The following CPLANE1 variants were observed in gnomAD, a reference collection of about 807,000 sequenced individuals.
The protein encoded by CPLANE1 is ciliogenesis and planar polarity effector 1.
A neutral mutation model predicts 362.5 loss-of-function variants in CPLANE1; 263 were observed. The ratio of observed to expected loss-of-function variants is 0.73; its 90% CI spans 0.66 to 0.80. The LOEUF is 0.80. CPLANE1 is among the 30% of genes least tolerant of loss of function. The pLI is 0.00. For synonymous variants in CPLANE1, 1,212 were observed against 1,302.6 expected, an observed-to-expected ratio of 0.93 and a Z score of 1.50; for missense variants, 3,461 against 3,793.4, an observed-to-expected ratio of 0.91 and a Z score of 2.30.
intron 50 of CPLANE1, among the ~76,000 whole-genome samples, chr5:37,115,614 T>G (rs1173597025): frequency 4.0e-5 from 6 of 150,026 alleles, no homozygotes; most frequent in African/African-American, 1.5e-4. Flanking sequence ...TTTTTTTTTT[T>G]TGAGATGGAG....
intron 7 of CPLANE1, among the ~76,000 whole-genome samples, chr5:37,239,208 T>A (rs1050031783): frequency 6.6e-6 from 1 of 152,158 alleles, no homozygotes; most frequent in Non-Finnish European, 1.5e-5. Context: ...GAAAGCCAAG[T>A]TTTGAAAGTT....
the CPLANE1 span, among the ~76,000 whole-genome samples, chr5:37,099,828 T>C: frequency 1.4e-4 from 21 of 152,308 alleles, no homozygotes; most frequent in South Asian, 4.3e-3. Flanking sequence ...ATCTTAATTA[T>C]CTCATTGTGG....
intron 50 of CPLANE1, 127 bp downstream of exon 50, chr5:37,120,089 C>T (rs1053812436): frequency 1.5e-5 from 14 of 915,996 alleles, no homozygotes; most frequent in Middle Eastern, 2.2e-4. Flanking sequence ...ATCAATGCCT[C>T]GCCTTCTGTT....
At chr5:37,231,936 C>T (rs1456176019) in intron 8 of CPLANE1, among the ~76,000 whole-genome samples, 3 of 152,010 alleles carry the variant, frequency 2.0e-5, no homozygotes, top group South Asian at 2.1e-4. Flanking sequence ...GAGACTAATA[C>T]TTTCAAAGTA....
rs185961851 is a variant in CPLANE1 at position 37,240,446 on chromosome 5, G to C, written c.678-577C>G. ...GGCATCAGCATCTCCTCGGATTCTT[G>C]TGAGGGCTTCAGGAAGCTTTTAACC... On this transcript the variant is annotated intron_variant, in intron 6 of 52. Transcript: ENST00000651892. 2.8e-4 allele frequency among the ~76,000 whole-genome samples: 43 copies of C among 152,324 alleles called. No homozygotes were observed. In the East Asian group the frequency reaches 7.9e-3, roughly 28 times the overall value.
At chr5:37,131,791 A>G (rs940952900) in intron 46 of CPLANE1, among the ~76,000 whole-genome samples, 2 of 152,044 alleles carry the variant, frequency 1.3e-5, no homozygotes. Flanking sequence ...CAGCCTCCCA[A>G]AGTGCTGGGA....
intron 19 of CPLANE1, 142 bp from the exon 20 acceptor site, chr5:37,199,008 G>A: frequency 1.5e-6 from 1 of 676,324 alleles, no homozygotes; most frequent in Non-Finnish European, 2.4e-6. Flanking sequence ...GAAGCAGGAG[G>A]ACTGCTTGAG....
intron 36 of CPLANE1, among the ~76,000 whole-genome samples, chr5:37,164,606 A>G (rs1195596070): frequency 6.6e-6 from 1 of 152,232 alleles, no homozygotes; most frequent in African/African-American, 2.4e-5. Context: ...AGCTTTGATA[A>G]TACTCAAATA....
At chr5:37,139,760 G>T (rs902962508) in intron 44 of CPLANE1, 6 of 655,628 alleles carry the variant, frequency 9.2e-6, no homozygotes, top group Non-Finnish European at 1.1e-5. Flanking sequence ...ATGTTGCCCA[G>T]GTTGGTCTCG....
chr5:37,141,359 G>T, intron 44 of CPLANE1: 1 of 985,368 alleles, frequency 1.0e-6, no homozygotes, highest in African/African-American at 1.7e-5. Context: ...GAGAAGAGAA[G>T]AGAAAAGCTA....
At chr5:37,104,258 C>T (rs971741508), downstream of CPLANE1, among the ~76,000 whole-genome samples, 8 of 152,278 alleles carry the variant, frequency 5.3e-5, no homozygotes, top group African/African-American at 1.9e-4. Context: ...TGGCTATCAG[C>T]TCCTGTAGTT....
intron 32 of CPLANE1, among the ~76,000 whole-genome samples, chr5:37,172,347 T>C (rs529407552): frequency 6.6e-4 from 101 of 152,282 alleles, no homozygotes; most frequent in African/African-American, 2.4e-3. Flanking sequence ...ACATATAGTA[T>C]GGGCAAAAAA....
At position 37,198,854 on chromosome 5, in the gene CPLANE1, C is replaced by T; in HGVS notation, c.3520G>A (p.Asp1174Asn). 1 of 1,613,628 alleles carries T rather than the reference C, an allele frequency of 6.2e-7. No individual in the cohort carries two copies. Among genetic ancestry groups the T allele is most frequent in the Non-Finnish European group, 8.5e-7 (1 of 1,179,774 alleles). Residue 1174 changes from aspartate to asparagine, a missense_variant, in exon 20 of 53, where the codon GAT (aspartate) becomes AAT (asparagine). Asp to Asn is a conservative substitution (Grantham distance 23). Coordinates refer to ENST00000651892, the MANE Select transcript of CPLANE1 (RefSeq NM_001384732.1). ...PAILSEEDGD[D>N]LLLKAEKNNR... ...TTTTTTTCAGCTTTTAAAAGAAGAT[C>T]ATCACCATCTTCCTGAGGAAAATAA...
At position 37,131,666 on chromosome 5, in the gene CPLANE1, G is replaced by A. The variant is rs111573049; in HGVS notation, c.8793-6257C>T. Among the ~76,000 whole-genome samples the A allele has an allele frequency of 7.3e-3, 1,110 of 152,094 alleles. 17 individuals are homozygous for A. Among genetic ancestry groups the A allele is most frequent in the African/African-American group, 0.025 (1,045 of 41,464 alleles). On this transcript the variant is annotated intron_variant, in intron 46 of 52. Coordinates refer to ENST00000651892, the MANE Select transcript of CPLANE1 (RefSeq NM_001384732.1). ...CTGCCTCAGCCTCCGAAGTAGATGG[G>A]ATTACAGGTGCCCACTACCACACCC...
chr5:37,118,719 T>A (rs1179580845), intron 50 of CPLANE1, among the ~76,000 whole-genome samples: 1 of 79,816 alleles, frequency 1.3e-5, no homozygotes, highest in South Asian at 2.8e-4. Context: ...GTTATTTTAC[T>A]TTTTTTTTTT....
Position 37,125,233 on chromosome 5 carries a change from G to T in CPLANE1, c.8958+11C>A. ...TCTGTAATTCCATTACCCTTGACAT[G>T]GCAGACTTACTGGATTGCTTCTGGG... On this transcript the variant is annotated intron_variant, in intron 47 of 52. Transcript: ENST00000651892. The T allele has an allele frequency of 6.2e-7, 1 of 1,606,732 alleles. No individual in the cohort carries two copies. Among genetic ancestry groups the T allele is most frequent in the Non-Finnish European group, 8.5e-7 (1 of 1,177,214 alleles).
rs910964767 is a variant in CPLANE1 at position 37,121,876 on chromosome 5, T to A, written c.9018-92A>T. ...TAGTGTTTGAAGATCACCTAGCATG[T>A]TCTGGTTTTTTTTTTTTTTTGAGAC... On this transcript the variant is annotated intron_variant, in intron 48 of 52. Transcript: ENST00000651892. The A allele has an allele frequency of 3.7e-5, 42 of 1,120,644 alleles. No individual in the cohort carries two copies. The African/African-American group carries it at 5.8e-4, about 15-fold the overall frequency. 69.4% of individuals were successfully genotyped at this position (1,120,644 alleles called of 1,614,324 possible).
intron 43 of CPLANE1, among the ~76,000 whole-genome samples, chr5:37,147,971 C>CAAAAAAAAAAAAAAAAAAAAAA (rs11284644): frequency 2.0e-4 from 3 of 15,312 alleles, no homozygotes; most frequent in Non-Finnish European, 3.7e-4. Context: ...ACTGCCTTCT[C>CAAAAAAAAAAAAAAAAAAAAAA]AAAAAAAAAA....
rs1561657503 is a variant in CPLANE1 at position 37,224,706 on chromosome 5, T to A, written c.2326A>T (p.Thr776Ser). Residue 776 changes from threonine to serine, a missense_variant, in exon 13 of 53, where the codon ACT becomes TCT. Around this residue, in one of 2 missense-constraint regions of CPLANE1, gnomAD observed 3,380 missense variants for 3,666.1 expected, o/e 0.92. Coordinates refer to ENST00000651892, the MANE Select transcript of CPLANE1 (RefSeq NM_001384732.1). ...LILWRILYKK[T>S]LWYQAQLNRR... ...TTTAATTGTGCTTGATACCATAAAG[T>A]TTTTTTGTACAGTATTCTCCAGAGA... is the stretch of plus-strand genomic sequence containing the variant. 1.3e-6 allele frequency: 2 copies of A among 1,551,214 alleles called. No individual in the cohort carries two copies. Among genetic ancestry groups the A allele is most frequent in the African/African-American group, 1.4e-5 (1 of 73,150 alleles).
Sources: allele counts gnomAD v4.1 joint callset (sites outside exome capture counted in the v4.1 genomes callset), GRCh38; gene constraint gnomAD v4.1.1; regional missense constraint gnomAD v4.1.1; transcripts MANE v1.5; gene names NCBI Gene and HGNC (gene_info 2026-07-23, HGNC 2026-07-21).